The following TYW1B variants were observed in gnomAD, a reference collection of about 807,000 sequenced individuals.
The protein encoded by TYW1B is tRNA-yW synthesizing protein 1 homolog B, also known as S-adenosyl-L-methionine-dependent tRNA 4-demethylwyosine synthase TYW1B.
In TYW1B, 73 loss-of-function variants were observed where a neutral mutation model predicts 86.9. That is an observed-to-expected ratio of 0.84 (90% CI 0.70 to 1.02). TYW1B has a LOEUF of 1.02. TYW1B is among the 50% of genes least tolerant of loss of function. The pLI is 0.00. For missense variants in TYW1B, 637 were observed against 827.4 expected, an observed-to-expected ratio of 0.77 and a Z score of 2.82; for synonymous variants, 248 against 292.8, an observed-to-expected ratio of 0.85 and a Z score of 1.56.
intron 11 of TYW1B, among the ~76,000 whole-genome samples, chr7:72,674,684 C>T (rs1252560943): frequency 4.6e-5 from 7 of 151,834 alleles, no homozygotes; most frequent in Non-Finnish European, 8.8e-5. Context: ...TTTTACCCCA[C>T]GGAATTGTTT....
In TYW1B at chr7:72,616,799, G is replaced by T; in HGVS notation, c.1658C>A (p.Thr553Asn). The T allele has an allele frequency of 6.2e-7, 1 of 1,614,208 alleles. No homozygotes were observed. Among genetic ancestry groups the T allele is most frequent in the Admixed American group, 1.7e-5 (1 of 60,020 alleles). Residue 553 changes from threonine to asparagine, a missense_variant, in exon 13 of 14, where the codon ACC becomes AAC. Transcript: ENST00000620995. ...CTCATGCCAGGGCACATGGGCCATG[G>T]TAAGACTGCTTGCTGAACTTTCTCT... ...YCRESSASSL[T>N]MAHVPWHEEV...
At chr7:72,795,611 G>A (rs537384353) in intron 6 of TYW1B, among the ~76,000 whole-genome samples, 2 of 150,288 alleles carry the variant, frequency 1.3e-5, no homozygotes, top group African/African-American at 2.4e-5. Context: ...TTGGTTGGTT[G>A]GTGTAGGTGG....
chr7:72,743,068 T>C (rs1419909945), intron 8 of TYW1B, among the ~76,000 whole-genome samples: 2 of 152,266 alleles, frequency 1.3e-5, no homozygotes, highest in Non-Finnish European at 2.9e-5. Context: ...ATAAATACAT[T>C]AAGCTTGAAA....
chr7:72,730,764 T>C (rs1787089428), intron 8 of TYW1B, among the ~76,000 whole-genome samples: 1 of 151,652 alleles, frequency 6.6e-6, no homozygotes, highest in African/African-American at 2.4e-5. Flanking sequence ...CACCATTACA[T>C]GAACAAATGT....
At chr7:72,824,312 G>T (rs1303832991) in intron 2 of TYW1B, among the ~76,000 whole-genome samples, 1 of 152,160 alleles carries the variant, frequency 6.6e-6, no homozygotes, top group African/African-American at 2.4e-5. Context: ...CTAACTACCT[G>T]TGACCTGGCT....
At chr7:72,617,029 C>A (rs1812093407) in intron 12 of TYW1B, among the ~76,000 whole-genome samples, 190 bp from the exon 13 acceptor site, 1 of 152,204 alleles carries the variant, frequency 6.6e-6, no homozygotes, top group South Asian at 2.1e-4. Context: ...ACAAAGACAG[C>A]AGGCTGATGC....
intron 13 of TYW1B, among the ~76,000 whole-genome samples, chr7:72,582,901 T>C (rs2129567634): frequency 6.6e-6 from 1 of 152,256 alleles, no homozygotes; most frequent in African/African-American, 2.4e-5. Context: ...TTGCAGGAGA[T>C]GGCATGGCTT....
chr7:72,789,665 CAG>C (rs781999649), intron 6 of TYW1B, among the ~76,000 whole-genome samples: 1 of 151,700 alleles, frequency 6.6e-6, no homozygotes, highest in Non-Finnish European at 1.5e-5. Context: ...TTAATAGAGA[CAG>C]AGTGTTGCTA....
chr7:72,678,680 AACAGGCGCGC>A (rs1813797120), intron 11 of TYW1B, among the ~76,000 whole-genome samples: 2 of 140,894 alleles, frequency 1.4e-5, no homozygotes, highest in South Asian at 4.4e-4. Flanking sequence ...TAGCTGGGAC[AACAGGCGCGC>A]ATCATCACGC....
At chr7:72,586,447 G>C (rs1239659774) in intron 13 of TYW1B, among the ~76,000 whole-genome samples, 1 of 152,174 alleles carries the variant, frequency 6.6e-6, no homozygotes, top group African/African-American at 2.4e-5. Flanking sequence ...GAGAATATCT[G>C]GTGTGGGGGC....
chr7:72,674,862 G>T (rs1813699051), intron 11 of TYW1B, among the ~76,000 whole-genome samples: 1 of 149,582 alleles, frequency 6.7e-6, no homozygotes, highest in African/African-American at 2.5e-5. Flanking sequence ...CTCCCAAAGT[G>T]CTGAGATTAC....
intron 7 of TYW1B, among the ~76,000 whole-genome samples, chr7:72,746,281 A>G (rs1787393208): frequency 6.6e-6 from 1 of 152,166 alleles, no homozygotes; most frequent in African/African-American, 2.4e-5. Context: ...CTGCATTTGA[A>G]AAAAAGGAGT....
intron 11 of TYW1B, among the ~76,000 whole-genome samples, chr7:72,633,392 A>G (rs2844137): frequency 0.17 from 21,484 of 124,406 alleles, no homozygotes; most frequent in African/African-American, 0.26. Flanking sequence ...GCTAAGCCCC[A>G]GTTTTGGGGC....
At chr7:72,817,993 T>C (rs1788756473) in intron 2 of TYW1B, among the ~76,000 whole-genome samples, 1 of 151,646 alleles carries the variant, frequency 6.6e-6, no homozygotes, top group East Asian at 2.0e-4. Context: ...TTAGGCTCTG[T>C]CTCCAGACTC....
chr7:72,608,890 G>C (rs1811862936), intron 13 of TYW1B, among the ~76,000 whole-genome samples: 1 of 152,192 alleles, frequency 6.6e-6, no homozygotes, highest in African/African-American at 2.4e-5. Flanking sequence ...TGATAGAACA[G>C]TTTTCTATCT....
Position 72,797,123 on chromosome 7 carries a change from T to C in TYW1B, c.846+5277A>G, listed in dbSNP as rs1788318682. ...CACCCAGCCATATATATCTGGTCTT[T>C]GACCCTGGTTCTTGGTACACAGCTT... On this transcript the variant is annotated intron_variant, in intron 6 of 13. Coordinates refer to ENST00000620995, the MANE Select transcript of TYW1B (RefSeq NM_001145440.3). 2.0e-5 allele frequency among the ~76,000 whole-genome samples: 3 copies of C among 152,208 alleles called. No homozygotes were observed. The South Asian group carries it at 6.2e-4, about 31-fold the overall frequency.
chr7:72,709,861 A>C (rs1388409851), intron 10 of TYW1B, among the ~76,000 whole-genome samples: 2 of 152,026 alleles, frequency 1.3e-5, no homozygotes, highest in African/African-American at 4.8e-5. Flanking sequence ...CTCATTTCCC[A>C]GTCAGGTTTA....
At chr7:72,602,559 C>A (rs549085242) in intron 13 of TYW1B, among the ~76,000 whole-genome samples, 39 of 152,252 alleles carry the variant, frequency 2.6e-4, no homozygotes, top group Non-Finnish European at 4.9e-4. Flanking sequence ...CTCCAATAAA[C>A]CATGGCTGAG....
chr7:72,694,226 G>A (rs1814251744), intron 11 of TYW1B, among the ~76,000 whole-genome samples: 1 of 152,318 alleles, frequency 6.6e-6, no homozygotes, highest in South Asian at 2.1e-4. Context: ...CCCTCCCAAA[G>A]TCCTGGGTTT....
Sources: gnomAD v4.1 joint callset for allele counts (sites outside exome capture counted in the v4.1 genomes callset) on GRCh38, gnomAD v4.1.1 for gene constraint, MANE v1.5 for transcripts, NCBI Gene and HGNC (gene_info 2026-07-23, HGNC 2026-07-21) for gene names.